The following SLIT3 variants were observed in gnomAD, a reference collection of about 807,000 sequenced individuals.
SLIT3 encodes the protein slit guidance ligand 3.
A neutral mutation model predicts 184.0 loss-of-function variants in SLIT3; 68 were observed. The observed-to-expected ratio is 0.37, with a 90% confidence interval of 0.30 to 0.45. SLIT3 has a LOEUF of 0.45. Among genes scored for constraint, SLIT3 ranks in the 20% least tolerant of loss-of-function variants. The pLI is 1.00. For synonymous variants in SLIT3, 831 were observed against 828.6 expected (o/e 1.00, Z -0.05); for missense variants, 1,707 against 2,026.0 (o/e 0.84, Z 3.02).
intron 4 of SLIT3, among the ~76,000 whole-genome samples, chr5:169,185,983 A>G (rs1440197199): frequency 2.0e-5 from 3 of 152,146 alleles, no homozygotes; most frequent in Non-Finnish European, 4.4e-5. Flanking sequence ...TAAAATGGGG[A>G]TAATATTGTA....
chr5:168,883,593 C>G (rs902165501), intron 4 of SLIT3, among the ~76,000 whole-genome samples: 1 of 152,228 alleles, frequency 6.6e-6, no homozygotes, highest in African/African-American at 2.4e-5. Flanking sequence ...ACCTCCAGGC[C>G]ACGAGCCAAG....
intron 5 of SLIT3, among the ~76,000 whole-genome samples, chr5:168,876,312 C>T (rs537538175): frequency 6.6e-6 from 1 of 152,300 alleles, no homozygotes; most frequent in South Asian, 2.1e-4. Flanking sequence ...TCTACCCTCC[C>T]CACTGCTGCT....
At chr5:169,255,566 T>TA (rs969859567) in intron 1 of SLIT3, among the ~76,000 whole-genome samples, 9 of 151,754 alleles carry the variant, frequency 5.9e-5, no homozygotes, top group Non-Finnish European at 1.2e-4. Flanking sequence ...TACGAAGGAA[T>TA]AAAAAAAAAT....
chr5:169,006,298 A>T (rs558997400), intron 4 of SLIT3, among the ~76,000 whole-genome samples: 1 of 152,146 alleles, frequency 6.6e-6, no homozygotes, highest in Non-Finnish European at 1.5e-5. Flanking sequence ...AAAAGCAAAA[A>T]ATTAGCTTCT....
At position 169,014,096 on chromosome 5, in the gene SLIT3, AAGGC is replaced by A. The variant is rs60057409; in HGVS notation, c.414-130764_414-130761del. Among the ~76,000 whole-genome samples, 90 of 150,324 alleles carry A rather than the reference AAGGC, an allele frequency of 6.0e-4. 1 individual carries two copies. Among genetic ancestry groups the A allele is most frequent in the South Asian group, 1.9e-3 (9 of 4,726 alleles). On this transcript the variant is annotated intron_variant, in intron 4 of 35. Transcript: ENST00000519560. ...CAATACAGAATGTTTTGTGGGAAGG[AAGGC>A]AGGCAGGCAGGCAGGCAGGCAGGCA...
chr5:168,774,577 A>G (rs567066351), intron 12 of SLIT3, among the ~76,000 whole-genome samples, 199 bp from the exon 13 acceptor site: 1 of 152,302 alleles, frequency 6.6e-6, no homozygotes, highest in South Asian at 2.1e-4. Context: ...GCACCTGCAC[A>G]CACTGTCACT....
At chr5:168,884,086 TAAGA>T (rs1446258677) in intron 4 of SLIT3, among the ~76,000 whole-genome samples, 1 of 151,574 alleles carries the variant, frequency 6.6e-6, no homozygotes, top group East Asian at 1.9e-4. Context: ...ACTTCCTTTC[TAAGA>T]AAGATATGGG....
At chr5:168,907,973 T>TAGAGAGAGAGAGAGAG (rs1360826933) in intron 4 of SLIT3, among the ~76,000 whole-genome samples, 4 of 66,792 alleles carry the variant, frequency 6.0e-5, no homozygotes, top group African/African-American at 2.1e-4. Flanking sequence ...TATATATATA[T>TAGAGAGAGAGAGAGAG]ATATATAGAG....
In SLIT3 at chr5:168,722,245, G is replaced by C; in HGVS notation, c.2483+11C>G. On this transcript the variant is annotated intron_variant, in intron 23 of 35. Transcript: ENST00000519560. Reference sequence around the variant, plus strand: ...ATGTGTAAGTCAAAATCAGCACATTGGGGTACTCACAGCACTCGCAGGGAC... The same window carrying C: ...ATGTGTAAGTCAAAATCAGCACATTCGGGTACTCACAGCACTCGCAGGGAC... 1 of 1,612,828 alleles carries C rather than the reference G, an allele frequency of 6.2e-7. No homozygotes were observed. Among genetic ancestry groups the C allele is most frequent in the African/African-American group, 1.3e-5 (1 of 74,994 alleles).
At chr5:169,065,379 C>G (rs1284630272) in intron 4 of SLIT3, among the ~76,000 whole-genome samples, 1 of 152,150 alleles carries the variant, frequency 6.6e-6, no homozygotes, top group Non-Finnish European at 1.5e-5. Flanking sequence ...AATATGGAAG[C>G]CATCACACAG....
chr5:169,087,870 T>A lies in SLIT3; in HGVS notation c.413+105609A>T, dbSNP rs367748205. Among the ~76,000 whole-genome samples, 6 of 152,344 alleles carry A rather than the reference T, an allele frequency of 3.9e-5. No individual in the cohort carries two copies. The East Asian group carries it at 7.7e-4, about 20-fold the overall frequency. Reference sequence around the variant, plus strand: ...CACAGGGAGGAATGTATGCCTTTGATAATCAAAAATAAGTGTTAGTGAAAG... The same window carrying A: ...CACAGGGAGGAATGTATGCCTTTGAAAATCAAAAATAAGTGTTAGTGAAAG... On this transcript the variant is annotated intron_variant, in intron 4 of 35. Transcript: ENST00000519560.
chr5:168,914,603 C>A (rs1761373603), intron 4 of SLIT3, among the ~76,000 whole-genome samples: 1 of 152,196 alleles, frequency 6.6e-6, no homozygotes, highest in Non-Finnish European at 1.5e-5. Flanking sequence ...CTCTGCCACT[C>A]GTTTTGCTAT....
At chr5:168,713,155 G>T (rs1762613920) in intron 23 of SLIT3, among the ~76,000 whole-genome samples, 1 of 152,208 alleles carries the variant, frequency 6.6e-6, no homozygotes, top group Non-Finnish European at 1.5e-5. Flanking sequence ...TATGGAAACG[G>T]CTTTGGCATC....
chr5:169,224,923 A>G (rs753476292), intron 3 of SLIT3, among the ~76,000 whole-genome samples: 3 of 152,118 alleles, frequency 2.0e-5, no homozygotes, highest in Middle Eastern at 3.2e-3. Flanking sequence ...GCCTCAAGTG[A>G]TCCGCCCATC....
At chr5:169,069,077 T>C (rs1418702672) in intron 4 of SLIT3, among the ~76,000 whole-genome samples, 5 of 152,152 alleles carry the variant, frequency 3.3e-5, no homozygotes, top group Admixed American at 6.5e-5. Flanking sequence ...AGAGCAAAGA[T>C]GTAGACTATG....
intron 5 of SLIT3, among the ~76,000 whole-genome samples, chr5:168,852,176 G>T (rs977432398): frequency 2.0e-5 from 3 of 152,212 alleles, no homozygotes; most frequent in Non-Finnish European, 4.4e-5. Context: ...ACCATCTGTG[G>T]TTCCTCCCCG....
intron 2 of SLIT3, among the ~76,000 whole-genome samples, chr5:169,246,358 G>A (rs1765590730): frequency 6.6e-6 from 1 of 152,164 alleles, no homozygotes; most frequent in African/African-American, 2.4e-5. Context: ...CTTGCTCGAG[G>A]AGAAATTATT....
At chr5:168,941,429 T>TTTA (rs1357577834) in intron 4 of SLIT3, among the ~76,000 whole-genome samples, 4 of 152,218 alleles carry the variant, frequency 2.6e-5, no homozygotes, top group Non-Finnish European at 5.9e-5. Flanking sequence ...TAGGGTTGTT[T>TTTA]TTAGTATGAA....
chr5:169,210,783 C>T lies in SLIT3; in HGVS notation c.342-17233G>A, dbSNP rs537373695. ...GAAGACAGTTAGAATAGAGACAGGG[C>T]GTGGAAACTGGTTCATTGTTTCCAA... On this transcript the variant is annotated intron_variant, in intron 3 of 35. Coordinates refer to ENST00000519560, the MANE Select transcript of SLIT3 (RefSeq NM_003062.4). Among the ~76,000 whole-genome samples, 75 of 152,236 alleles carry T rather than the reference C, an allele frequency of 4.9e-4. 1 individual carries two copies. Among genetic ancestry groups the T allele is most frequent in the African/African-American group, 1.6e-3 (66 of 41,544 alleles).
Sources: gnomAD v4.1 joint callset for allele counts (sites outside exome capture counted in the v4.1 genomes callset) on GRCh38, gnomAD v4.1.1 for gene constraint, MANE v1.5 for transcripts, NCBI Gene and HGNC (gene_info 2026-07-23, HGNC 2026-07-21) for gene names.